CAST: variants seen among roughly 807,000 people sequenced by gnomAD.
CAST encodes the protein MIR583 host.
Under a neutral mutation model 119.6 loss-of-function variants are expected in CAST, and 76 were observed. The observed-to-expected ratio is 0.64, with a 90% CI of 0.53 to 0.77. CAST has a LOEUF of 0.77. Among genes scored for constraint, CAST ranks in the 30% least tolerant of loss-of-function variants. The pLI is 0.00. For missense variants in CAST, 953 were observed against 946.5 expected (o/e 1.01, Z -0.09); for synonymous variants, 319 against 331.6 (o/e 0.96, Z 0.41).
the CAST span, among the ~76,000 whole-genome samples, chr5:96,267,710 A>G: frequency 6.6e-6 from 1 of 152,200 alleles, no homozygotes. Flanking sequence ...AAATCCCACT[A>G]ATGTGCAAAA....
chr5:96,730,804 G>C lies in CAST; in HGVS notation c.574G>C (p.Ala192Pro), dbSNP rs1760303187. The change falls in exon 9 of 32, where the codon GCT becomes CCT. Residue 192 changes from alanine to proline, a missense_variant. Coordinates refer to ENST00000675179, the MANE Select transcript of CAST (RefSeq NM_001750.7). ...GACTAAACCACAAGACATGATTTCT[G>C]CTGGTGGAGAGAGTGTTGCTGGTAT... ...PKTKPQDMIS[A>P]GGESVAGITA... 1.2e-6 allele frequency: 2 copies of C among 1,613,858 alleles called. No homozygotes were observed. The highest frequency in any genetic ancestry group is 1.3e-5 in the African/African-American group (1 of 74,898).
At chr5:96,312,155 TAAC>T in the CAST span, among the ~76,000 whole-genome samples, 1 of 152,138 alleles carries the variant, frequency 6.6e-6, no homozygotes, top group Non-Finnish European at 1.5e-5. Flanking sequence ...TTCAAGATGA[TAAC>T]AACTCAAATT....
At chr5:96,611,728 G>C (rs1747367165) in intron 1 of CAST, among the ~76,000 whole-genome samples, 1 of 151,944 alleles carries the variant, frequency 6.6e-6, no homozygotes, top group Non-Finnish European at 1.5e-5. Context: ...CTAATATTCA[G>C]AATCTATACT....
At chr5:95,963,108 C>T in the CAST span, among the ~76,000 whole-genome samples, 148 of 152,264 alleles carry the variant, frequency 9.7e-4, 2 homozygotes, top group Admixed American at 3.3e-4. Context: ...AGCTTTCAAA[C>T]TGTTGAAAGG....
chr5:96,259,769 G>A, the CAST span, among the ~76,000 whole-genome samples: 1 of 152,076 alleles, frequency 6.6e-6, no homozygotes, highest in Admixed American at 6.5e-5. Flanking sequence ...GAGCATTCCA[G>A]AGCAGTTTAT....
chr5:96,619,563 A>C (rs930262506), intron 1 of CAST, among the ~76,000 whole-genome samples: 3 of 152,310 alleles, frequency 2.0e-5, no homozygotes, highest in Non-Finnish European at 4.4e-5. Context: ...GCTTTTTGCA[A>C]TAAATCTTGC....
chr5:96,577,018 G>A (rs532113576), intron 1 of CAST, among the ~76,000 whole-genome samples: 2 of 152,140 alleles, frequency 1.3e-5, no homozygotes, highest in African/African-American at 2.4e-5. Flanking sequence ...AGTGTGTGTC[G>A]TTCCCCTTCC....
At chr5:96,380,851 G>T in the CAST span, among the ~76,000 whole-genome samples, 3 of 152,134 alleles carry the variant, frequency 2.0e-5, no homozygotes, top group Non-Finnish European at 2.9e-5. Context: ...ATGCTTGGGG[G>T]TTACAAAATT....
At position 96,619,601 on chromosome 5, in the gene CAST, C is replaced by T. The variant is rs571348863; in HGVS notation, c.61-55938C>T. ...TTCCTCACTGTTTGGGTCTGCGCTT[C>T]CTTTATGAGCTGTAACGCTCACTGC... On this transcript the variant is annotated intron_variant, in intron 1 of 11. Coordinates refer to the CAST transcript ENST00000505143. Among the ~76,000 whole-genome samples the T allele has an allele frequency of 7.2e-5, 11 of 152,314 alleles. 1 individual carries two copies. The East Asian group carries it at 2.1e-3, about 29-fold the overall frequency.
chr5:96,511,853 G>A, the CAST span, among the ~76,000 whole-genome samples: 1 of 152,150 alleles, frequency 6.6e-6, no homozygotes, highest in Non-Finnish European at 1.5e-5. Context: ...CCGAAGCTTG[G>A]TCCCCAGAGC....
At chr5:96,723,392 A>G (rs555704003) in intron 4 of CAST, among the ~76,000 whole-genome samples, 6 of 152,234 alleles carry the variant, frequency 3.9e-5, no homozygotes, top group Non-Finnish European at 8.8e-5. Context: ...TGGTCTTACT[A>G]TTCTGAGCAC....
the CAST span, among the ~76,000 whole-genome samples, chr5:96,480,823 AG>A: frequency 6.6e-6 from 1 of 152,222 alleles, no homozygotes; most frequent in Non-Finnish European, 1.5e-5. Context: ...AAGCAGTTTC[AG>A]TGAAATGGAA....
chr5:96,392,715 G>A, the CAST span: 3 of 467,924 alleles, frequency 6.4e-6, no homozygotes, highest in Non-Finnish European at 7.8e-6. Context: ...GTGTTCTAAT[G>A]TAGTGTAAGA....
At chr5:96,495,073 G>A in the CAST span, among the ~76,000 whole-genome samples, 3 of 150,198 alleles carry the variant, frequency 2.0e-5, no homozygotes, top group African/African-American at 7.4e-5. Flanking sequence ...AGCCGAGATC[G>A]GAGATCGCAC....
chr5:96,500,198 G>C, the CAST span, among the ~76,000 whole-genome samples: 1 of 152,088 alleles, frequency 6.6e-6, no homozygotes, highest in Non-Finnish European at 1.5e-5. Context: ...AAAATGTTAC[G>C]CAAAGACAAA....
chr5:96,398,428 T>C, the CAST span, among the ~76,000 whole-genome samples: 1 of 152,238 alleles, frequency 6.6e-6, no homozygotes, highest in Non-Finnish European at 1.5e-5. Context: ...AAAATGGCCT[T>C]ATTCATGTTA....
At chr5:96,346,315 G>T in the CAST span, among the ~76,000 whole-genome samples, 2 of 152,158 alleles carry the variant, frequency 1.3e-5, no homozygotes, top group Non-Finnish European at 2.9e-5. Context: ...GGACATATTA[G>T]CTTGCAAGTA....
chr5:96,436,707 G>A, the CAST span, among the ~76,000 whole-genome samples: 1 of 152,076 alleles, frequency 6.6e-6, no homozygotes, highest in Non-Finnish European at 1.5e-5. Flanking sequence ...TATTGAAATT[G>A]TAAATTGGAA....
the CAST span, among the ~76,000 whole-genome samples, chr5:96,438,204 T>G: frequency 7.9e-5 from 12 of 152,254 alleles, no homozygotes; most frequent in South Asian, 2.5e-3. Context: ...AGATAATTTA[T>G]TTTTCCAACT....
Sources: gnomAD v4.1 joint callset for allele counts (sites outside exome capture counted in the v4.1 genomes callset) on GRCh38, gnomAD v4.1.1 for gene constraint, MANE v1.5 for transcripts, NCBI Gene and HGNC (gene_info 2026-07-23, HGNC 2026-07-21) for gene names.